PTPRD: variants seen among roughly 807,000 people sequenced by gnomAD.
The protein encoded by PTPRD is protein tyrosine phosphatase receptor type D, also known as receptor-type tyrosine-protein phosphatase delta.
PTPRD carries 34 observed loss-of-function variants against 214.5 expected under a neutral mutation model. The observed-to-expected ratio is 0.16, with a 90% CI of 0.12 to 0.21. The LOEUF (loss-of-function observed/expected upper bound fraction) is 0.21. Among genes scored for constraint, PTPRD ranks in the 10% least tolerant of loss-of-function variants. The probability of loss-of-function intolerance (pLI) is 1.00; values close to 1 mark genes in which losing one functional copy is unlikely to be tolerated. For synonymous variants in PTPRD, 1,128 were observed against 845.7 expected (o/e 1.33, Z -5.79); for missense variants, 2,545 against 2,398.7 (o/e 1.06, Z -1.27).
intron 11 of PTPRD, among the ~76,000 whole-genome samples, chr9:8,759,625 T>TTC (rs1555287018): frequency 6.0e-5 from 9 of 150,338 alleles, no homozygotes; most frequent in South Asian, 2.1e-4. Context: ...CTTTTTTTTT[T>TTC]TTTTTTGTCC....
chr9:8,803,919 T>A (rs1182567249), intron 11 of PTPRD, among the ~76,000 whole-genome samples: 1 of 151,998 alleles, frequency 6.6e-6, no homozygotes, highest in Non-Finnish European at 1.5e-5. Context: ...TAATATCTAC[T>A]GGATTTTTTT....
chr9:9,124,075 G>A (rs1233395434), intron 10 of PTPRD, among the ~76,000 whole-genome samples: 1 of 152,066 alleles, frequency 6.6e-6, no homozygotes, highest in Non-Finnish European at 1.5e-5. Flanking sequence ...AGTAAGCAAG[G>A]CATCAAGCAA....
intron 11 of PTPRD, among the ~76,000 whole-genome samples, chr9:8,952,535 T>C (rs1429038682): frequency 1.3e-5 from 2 of 151,882 alleles, no homozygotes; most frequent in African/African-American, 4.8e-5. Flanking sequence ...TTAAGGAGCA[T>C]GGGGAAATGA....
chr9:9,335,331 G>A (rs1216472848), intron 9 of PTPRD, among the ~76,000 whole-genome samples: 1 of 151,996 alleles, frequency 6.6e-6, no homozygotes, highest in African/African-American at 2.4e-5. Context: ...AACTCTGAAT[G>A]TTAATATGAG....
At chr9:10,044,563 T>C (rs1188692988) in intron 3 of PTPRD, among the ~76,000 whole-genome samples, 1 of 151,786 alleles carries the variant, frequency 6.6e-6, no homozygotes, top group Non-Finnish European at 1.5e-5. Context: ...ATCAAATAAT[T>C]TGCTCTCATT....
At chr9:9,387,443 T>C (rs571855010) in intron 9 of PTPRD, among the ~76,000 whole-genome samples, 35 of 152,320 alleles carry the variant, frequency 2.3e-4, no homozygotes, top group Non-Finnish European at 7.3e-5. Context: ...TCCCCTTTTA[T>C]ACCTAGAGTA....
chr9:10,022,213 A>G (rs533831678), intron 4 of PTPRD, among the ~76,000 whole-genome samples: 4 of 48,306 alleles, frequency 8.3e-5, no homozygotes, highest in African/African-American at 3.3e-4. Context: ...GTTACATACA[A>G]TTAGGACTTT....
intron 9 of PTPRD, among the ~76,000 whole-genome samples, chr9:9,329,071 CAG>C (rs1380094070): frequency 6.6e-6 from 1 of 151,906 alleles, no homozygotes; most frequent in African/African-American, 2.4e-5. Flanking sequence ...AAATAATGAA[CAG>C]TGACTCTGGG....
At chr9:8,763,881 C>A (rs891809409) in intron 11 of PTPRD, among the ~76,000 whole-genome samples, 9 of 152,060 alleles carry the variant, frequency 5.9e-5, no homozygotes, top group African/African-American at 2.2e-4. Context: ...TTTAAAAATT[C>A]TCTCTCATTA....
At chr9:8,582,351 T>TG (rs1564506795) in intron 14 of PTPRD, among the ~76,000 whole-genome samples, 1 of 152,220 alleles carries the variant, frequency 6.6e-6, no homozygotes, top group Non-Finnish European at 1.5e-5. Context: ...CAGAATATTT[T>TG]TTGAACATGA....
At position 9,182,118 on chromosome 9, in the gene PTPRD, T is replaced by G. The variant is rs74375737; in HGVS notation, c.-143+1186A>C. Among the ~76,000 whole-genome samples the G allele has an allele frequency of 8.8e-3, 1,339 of 152,164 alleles. 24 individuals are homozygous for G. The highest frequency in any genetic ancestry group is 0.066 in the East Asian group (341 of 5,166). The stretch of plus-strand genomic sequence containing the variant: ...CTTAACATATAAAATTGAACAATGA[T>G]GAACCCCCATGGAAACAGGCTGAAA... On this transcript the variant is annotated intron_variant, in intron 10 of 45. Transcript: ENST00000381196.
chr9:9,813,026 T>A (rs75084008), intron 5 of PTPRD, among the ~76,000 whole-genome samples: 2,821 of 152,052 alleles, frequency 0.019, 79 homozygotes, highest in African/African-American at 0.065. Context: ...TTCACAAATA[T>A]GTGGAAAGTA....
At chr9:9,565,839 A>T (rs2084351480) in intron 8 of PTPRD, among the ~76,000 whole-genome samples, 1 of 151,964 alleles carries the variant, frequency 6.6e-6, no homozygotes, top group Admixed American at 6.6e-5. Flanking sequence ...AGAGCTGTCA[A>T]GGATGGAATA....
intron 16 of PTPRD, among the ~76,000 whole-genome samples, chr9:8,527,093 T>C (rs1240771105): frequency 2.0e-5 from 3 of 151,942 alleles, no homozygotes; most frequent in Non-Finnish European, 2.9e-5. Context: ...GAAACAAACA[T>C]TGTTGATTGG....
intron 5 of PTPRD, among the ~76,000 whole-genome samples, chr9:9,867,417 C>T (rs2064252386): frequency 1.3e-5 from 2 of 151,992 alleles, no homozygotes; most frequent in Middle Eastern, 3.2e-3. Flanking sequence ...TTTATGATAC[C>T]TATCTTCCAA....
intron 9 of PTPRD, among the ~76,000 whole-genome samples, chr9:9,375,792 GGGA>G (rs2060622626): frequency 6.6e-6 from 1 of 152,118 alleles, no homozygotes; most frequent in African/African-American, 2.4e-5. Flanking sequence ...ATCAATGGCA[GGGA>G]GGAGGAGTTA....
rs5896295 is a variant in PTPRD, at chr9:9,032,018, C to CT, written c.-142-13284dup. On this transcript the variant is annotated intron_variant, in intron 10 of 45. Transcript: ENST00000381196. ...TAGGTTTTATTTGAACTCCTGTAAT[C>CT]TTTTTTTTCATTATAAAAAGCTTTT... Among the ~76,000 whole-genome samples, 4 of 151,516 alleles carry CT rather than the reference C, an allele frequency of 2.6e-5. No individual in the cohort carries two copies. The East Asian group carries it at 5.8e-4, about 22-fold the overall frequency.
intron 7 of PTPRD, among the ~76,000 whole-genome samples, chr9:9,707,907 T>C (rs1262770540): frequency 6.6e-6 from 1 of 152,060 alleles, no homozygotes; most frequent in Non-Finnish European, 1.5e-5. Flanking sequence ...TTATTTTCTC[T>C]CTTTCATTGT....
At chr9:10,332,984 C>G (rs894679286) in intron 3 of PTPRD, among the ~76,000 whole-genome samples, 6 of 151,844 alleles carry the variant, frequency 4.0e-5, no homozygotes, top group African/African-American at 1.5e-4. Flanking sequence ...TTCAAGTAAA[C>G]TCCTCAAAGA....
Sources: gnomAD v4.1 joint callset for allele counts (sites outside exome capture counted in the v4.1 genomes callset) on GRCh38, gnomAD v4.1.1 for gene constraint, MANE v1.5 for transcripts, NCBI Gene and HGNC (gene_info 2026-07-23, HGNC 2026-07-21) for gene names.